INTU: variants seen among roughly 807,000 people sequenced by gnomAD.
INTU encodes the protein protein inturned.
A neutral mutation model predicts 100.5 loss-of-function variants in INTU; 68 were observed. The observed-to-expected ratio is 0.68, with a 90% CI of 0.56 to 0.83. The LOEUF (loss-of-function observed/expected upper bound fraction) is 0.83, where lower values mean the gene tolerates loss of function less well. Ranked by LOEUF, INTU falls within the 40% of genes least tolerant of loss-of-function variation. The pLI is 0.00. For synonymous variants in INTU, 357 were observed against 395.7 expected (o/e 0.90, Z 1.16); for missense variants, 1,071 against 1,114.7 (o/e 0.96, Z 0.56).
intron 5 of INTU, among the ~76,000 whole-genome samples, chr4:127,672,467 CTT>C (rs55709540): frequency 0.025 from 2,931 of 115,186 alleles, 67 homozygotes; most frequent in African/African-American, 0.075. Flanking sequence ...TGCGGTGTTG[CTT>C]TTTTTTTTTT....
Position 127,651,268 on chromosome 4 carries a change from G to C in INTU, c.683-5368G>C, listed in dbSNP as rs1350654914. On this transcript the variant is annotated intron_variant, in intron 2 of 15. Coordinates refer to ENST00000335251, the MANE Select transcript of INTU (RefSeq NM_015693.4). The stretch of plus-strand genomic sequence containing the variant: ...TTGTCTTTTGTTGCCATTGCTTTTG[G>C]TGTTTTAGTCATGAAGTCCTTACCC... Among the ~76,000 whole-genome samples, 5 of 152,256 alleles carry C rather than the reference G, an allele frequency of 3.3e-5. No individual in the cohort carries two copies. In the East Asian group the frequency reaches 9.6e-4, roughly 29 times the overall value.
At chr4:127,656,588 G>A (rs190161028) in intron 2 of INTU, 48 bp from the exon 3 acceptor site, 5 of 1,351,822 alleles carry the variant, frequency 3.7e-6, no homozygotes, top group African/African-American at 1.4e-5. Context: ...GACCTCTATG[G>A]TTTTTAGATA....
Position 127,637,561 on chromosome 4 carries a change from C to G in INTU, c.146+4381C>G, listed in dbSNP as rs145966946. ...AATCATTCAAGGTCCCACTTAAGTT[C>G]TACCTTCTCCTAGAATCTTTTCTGG... On this transcript the variant is annotated intron_variant, in intron 1 of 15. Transcript: ENST00000335251. Among the ~76,000 whole-genome samples the G allele has an allele frequency of 8.3e-4, 127 of 152,340 alleles. 1 individual carries two copies. Among genetic ancestry groups the G allele is most frequent in the African/African-American group, 3.0e-3 (123 of 41,590 alleles).
At chr4:127,700,772 TAAAA>T (rs370306956) in intron 9 of INTU, among the ~76,000 whole-genome samples, 1 of 137,750 alleles carries the variant, frequency 7.3e-6, no homozygotes, top group Admixed American at 7.3e-5. Context: ...ATAATGATAC[TAAAA>T]AAAAAAAAAA....
At chr4:127,676,808 C>T (rs867115182) in intron 6 of INTU, among the ~76,000 whole-genome samples, 10 of 152,128 alleles carry the variant, frequency 6.6e-5, no homozygotes, top group South Asian at 2.1e-4. Context: ...TTGCCTCACT[C>T]GGGAAGCGCA....
chr4:127,708,925 C>A (rs1002365472), intron 13 of INTU, among the ~76,000 whole-genome samples: 1 of 152,122 alleles, frequency 6.6e-6, no homozygotes, highest in African/African-American at 2.4e-5. Context: ...CAGGTAACCT[C>A]CCTTTTGTAT....
intron 7 of INTU, chr4:127,685,764 A>C (rs2126229600): frequency 4.7e-6 from 1 of 214,936 alleles, no homozygotes; most frequent in African/African-American, 2.3e-5. Context: ...CAAAGATTAA[A>C]TTTTTGCAAT....
At chr4:127,643,489 G>A in intron 1 of INTU, 32 bp from the exon 2 acceptor site, 1 of 1,534,654 alleles carries the variant, frequency 6.5e-7, no homozygotes, top group South Asian at 1.3e-5. Flanking sequence ...ATATTGGGCT[G>A]CTATTAAGAT....
chr4:127,634,782 C>T (rs1726996359), intron 1 of INTU, among the ~76,000 whole-genome samples: 1 of 152,086 alleles, frequency 6.6e-6, no homozygotes, highest in Non-Finnish European at 1.5e-5. Flanking sequence ...TAAGTCTGTC[C>T]CTTCTTGATT....
chr4:127,676,526 C>T (rs1025382625), intron 6 of INTU, among the ~76,000 whole-genome samples: 1 of 148,750 alleles, frequency 6.7e-6, no homozygotes, highest in Non-Finnish European at 1.5e-5. Flanking sequence ...GCAGAGGTTG[C>T]AGTTAGCTGT....
intron 6 of INTU, among the ~76,000 whole-genome samples, chr4:127,680,719 C>G (rs1263276309): frequency 2.7e-5 from 4 of 147,962 alleles, no homozygotes; most frequent in African/African-American, 1.0e-4. Context: ...TCTCACCGCT[C>G]CTATTCAACA....
chr4:127,658,005 C>T (rs914687096), intron 3 of INTU, among the ~76,000 whole-genome samples: 1 of 152,146 alleles, frequency 6.6e-6, no homozygotes, highest in South Asian at 2.1e-4. Context: ...ACCCATCAGG[C>T]AGTGAGAGGA....
chr4:127,681,045 G>C (rs1210430532), intron 6 of INTU, among the ~76,000 whole-genome samples: 13 of 151,492 alleles, frequency 8.6e-5, no homozygotes, highest in Non-Finnish European at 1.9e-4. Context: ...CAACTTACAA[G>C]GGATGTGAAG....
chr4:127,650,019 C>A (rs144725590), intron 2 of INTU, among the ~76,000 whole-genome samples: 281 of 152,142 alleles, frequency 1.8e-3, no homozygotes, highest in African/African-American at 6.4e-3. Context: ...GGAAAACATA[C>A]ACATTTCTTT....
rs561909013 is a variant in INTU at position 127,656,207 on chromosome 4, T to C, written c.683-429T>C. ...TCTGCGTCGCTCACACTGGGAGCTG[T>C]AGACGGGAGCTGTTCCTATTTGGCC... On this transcript the variant is annotated intron_variant, in intron 2 of 15. Transcript: ENST00000335251. 4.8e-4 allele frequency among the ~76,000 whole-genome samples: 73 copies of C among 152,322 alleles called. 1 individual carries two copies. The South Asian group carries it at 0.015, about 31-fold the overall frequency.
At chr4:127,712,746 C>T (rs1370226905) in intron 14 of INTU, among the ~76,000 whole-genome samples, 1 of 152,208 alleles carries the variant, frequency 6.6e-6, no homozygotes, top group African/African-American at 2.4e-5. Context: ...CCATGTGGCT[C>T]TCTGGGGACA....
At position 127,716,664 on chromosome 4, in the gene INTU, T is replaced by C; in HGVS notation, c.*228T>C. 1 of 290,498 alleles carries C rather than the reference T, an allele frequency of 3.4e-6. No individual in the cohort carries two copies. The highest frequency in any genetic ancestry group is 5.1e-5 in the Admixed American group (1 of 19,718). 18.0% of individuals were successfully genotyped at this position (290,498 alleles called of 1,614,324 possible). ...CTTGATTAAAATGTGAAAGAAGGGA[T>C]TGTTAACTTATTGCTATTTTGGTAT... is the stretch of plus-strand genomic sequence containing the variant. On this transcript the variant is annotated 3_prime_UTR_variant, in exon 16 of 16. Transcript: ENST00000335251.
At chr4:127,647,768 A>G (rs777183426) in intron 2 of INTU, among the ~76,000 whole-genome samples, 1 of 152,214 alleles carries the variant, frequency 6.6e-6, no homozygotes, top group Non-Finnish European at 1.5e-5. Flanking sequence ...AAAATTCCAT[A>G]TACCCAAAGA....
chr4:127,691,627 C>T (rs1235934435), intron 8 of INTU, among the ~76,000 whole-genome samples: 1 of 151,750 alleles, frequency 6.6e-6, no homozygotes. Context: ...TTTTGGGGAA[C>T]AGGTGGTGTT....
Sources: allele counts gnomAD v4.1 joint callset (sites outside exome capture counted in the v4.1 genomes callset), GRCh38; gene constraint gnomAD v4.1.1; transcripts MANE v1.5; gene names NCBI Gene and HGNC (gene_info 2026-07-23, HGNC 2026-07-21).